The following RBFOX1 variants were observed in gnomAD, a reference collection of about 807,000 sequenced individuals.
RBFOX1 encodes the protein RNA binding protein fox-1 homolog 1.
In RBFOX1, 8 loss-of-function variants were observed where a neutral mutation model predicts 57.7. That is an observed-to-expected ratio of 0.14 (90% CI 0.08 to 0.25). RBFOX1 has a LOEUF of 0.25. RBFOX1 is among the 10% of genes least tolerant of loss of function. The pLI, the probability that RBFOX1 is intolerant of heterozygous loss-of-function variation, is 1.00. For missense variants in RBFOX1, 611 were observed against 548.5 expected (o/e 1.11, Z -1.14); for synonymous variants, 326 against 222.4 (o/e 1.47, Z -4.15).
At chr16:5,712,780 C>T (rs1335930794) in intron 3 of RBFOX1, among the ~76,000 whole-genome samples, 3 of 152,202 alleles carry the variant, frequency 2.0e-5, no homozygotes, top group African/African-American at 4.8e-5. Flanking sequence ...AATTTCCTGG[C>T]TCCCTCTGAT....
intron 2 of RBFOX1, among the ~76,000 whole-genome samples, chr16:5,575,124 C>A (rs115688206): frequency 6.6e-6 from 1 of 152,118 alleles, no homozygotes. Context: ...AGTGCCTTTG[C>A]GTTATGAAGG....
At chr16:7,028,253 C>T (rs554218044) in intron 3 of RBFOX1, among the ~76,000 whole-genome samples, 19 of 152,216 alleles carry the variant, frequency 1.2e-4, no homozygotes, top group Non-Finnish European at 2.1e-4. Context: ...GCTTGCTCTA[C>T]GTGTAAGCCA....
At chr16:6,986,218 T>A (rs981221375) in intron 3 of RBFOX1, among the ~76,000 whole-genome samples, 8 of 152,044 alleles carry the variant, frequency 5.3e-5, no homozygotes, top group Non-Finnish European at 1.0e-4. Flanking sequence ...ATTTATTTTC[T>A]GAGACAGAGT....
chr16:6,892,770 G>GTCTGTCTCTCTCTCTC (rs2065781044), intron 3 of RBFOX1, among the ~76,000 whole-genome samples: 1 of 91,782 alleles, frequency 1.1e-5, no homozygotes, highest in African/African-American at 4.8e-5. Flanking sequence ...AAGCCTCCCT[G>GTCTGTCTCTCTCTCTC]TCTCCCTCTC....
intron 3 of RBFOX1, among the ~76,000 whole-genome samples, chr16:6,790,786 G>A (rs1043165997): frequency 6.6e-6 from 1 of 152,100 alleles, no homozygotes; most frequent in Non-Finnish European, 1.5e-5. Context: ...ATGGGAAATA[G>A]GAAAATAGTT....
chr16:6,723,132 G>A (rs2066377513), intron 3 of RBFOX1, among the ~76,000 whole-genome samples: 1 of 152,184 alleles, frequency 6.6e-6, no homozygotes, highest in Admixed American at 6.5e-5. Context: ...CTTGGTTGCT[G>A]ATGCTCTGTA....
intron 1 of RBFOX1, among the ~76,000 whole-genome samples, chr16:5,348,851 C>G (rs1312556819): frequency 2.0e-5 from 3 of 152,216 alleles, no homozygotes; most frequent in African/African-American, 7.2e-5. Flanking sequence ...CATATCTTCA[C>G]TGTTGTGAAT....
intron 1 of RBFOX1, among the ~76,000 whole-genome samples, chr16:6,034,137 C>A (rs2095329562): frequency 6.6e-6 from 1 of 151,692 alleles, no homozygotes; most frequent in African/African-American, 2.4e-5. Flanking sequence ...GAGTTCAAGA[C>A]CTGCCTGGCC....
intron 4 of RBFOX1, among the ~76,000 whole-genome samples, chr16:7,354,377 T>A (rs1293093505): frequency 6.6e-6 from 1 of 152,224 alleles, no homozygotes; most frequent in Non-Finnish European, 1.5e-5. Context: ...TACCTGTGTT[T>A]GTTGAAGGTG....
At chr16:5,872,996 C>CA (rs544508752) in intron 4 of RBFOX1, among the ~76,000 whole-genome samples, 2 of 151,854 alleles carry the variant, frequency 1.3e-5, no homozygotes, top group Non-Finnish European at 2.9e-5. Context: ...ATTAAAAATA[C>CA]AAAAATTAGC....
At chr16:6,543,606 T>C (rs1308155478) in intron 2 of RBFOX1, among the ~76,000 whole-genome samples, 6 of 152,138 alleles carry the variant, frequency 3.9e-5, no homozygotes, top group Non-Finnish European at 7.4e-5. Context: ...TGTTGTTTTG[T>C]TTTCCACTTA....
At chr16:7,516,447 C>G (rs2076370866) in intron 4 of RBFOX1, among the ~76,000 whole-genome samples, 1 of 152,072 alleles carries the variant, frequency 6.6e-6, no homozygotes. Flanking sequence ...GACTGTCCCC[C>G]AAAAGGAAAC....
intron 2 of RBFOX1, among the ~76,000 whole-genome samples, chr16:6,654,289 A>G (rs763984923): frequency 4.6e-5 from 7 of 152,186 alleles, no homozygotes; most frequent in South Asian, 2.1e-4. Context: ...GATGTGAACA[A>G]TTGTATGGAG....
At chr16:5,773,248 A>T (rs1469164163) in intron 3 of RBFOX1, among the ~76,000 whole-genome samples, 1 of 152,222 alleles carries the variant, frequency 6.6e-6, no homozygotes, top group Non-Finnish European at 1.5e-5. Flanking sequence ...GTATAAATTT[A>T]TAAAGCATGT....
chr16:6,336,902 A>T (rs2083839184), intron 2 of RBFOX1, among the ~76,000 whole-genome samples: 1 of 152,216 alleles, frequency 6.6e-6, no homozygotes. Context: ...GAGTTTTATC[A>T]TATTCAAGAA....
chr16:6,446,024 G>C (rs187249907), intron 2 of RBFOX1, among the ~76,000 whole-genome samples: 13 of 152,060 alleles, frequency 8.5e-5, no homozygotes, highest in African/African-American at 3.1e-4. Flanking sequence ...GAGCGCACTG[G>C]CGTGATTATA....
chr16:5,589,234 A>C (rs2046929858), intron 2 of RBFOX1, among the ~76,000 whole-genome samples: 1 of 152,082 alleles, frequency 6.6e-6, no homozygotes, highest in Admixed American at 6.6e-5. Context: ...TGGTGGAGGG[A>C]ACATGAGTGT....
intron 5 of RBFOX1, among the ~76,000 whole-genome samples, chr16:7,541,295 C>T (rs958439314): frequency 3.9e-5 from 6 of 152,216 alleles, no homozygotes; most frequent in African/African-American, 1.4e-4. Flanking sequence ...AAGTGAGTGT[C>T]TACCCTTTGT....
At chr16:7,222,426 C>T (rs1040580981) in intron 4 of RBFOX1, among the ~76,000 whole-genome samples, 2 of 152,192 alleles carry the variant, frequency 1.3e-5, no homozygotes, top group African/African-American at 2.4e-5. Context: ...ACTGTTAGGG[C>T]ATGTGGCAGC....
Sources: gnomAD v4.1 joint callset for allele counts (sites outside exome capture counted in the v4.1 genomes callset) on GRCh38, gnomAD v4.1.1 for gene constraint, MANE v1.5 for transcripts, NCBI Gene and HGNC (gene_info 2026-07-23, HGNC 2026-07-21) for gene names.